PRKD3: variants seen among roughly 807,000 people sequenced by gnomAD.
The protein encoded by PRKD3 is serine/threonine-protein kinase D3.
Under a neutral mutation model 99.2 loss-of-function variants are expected in PRKD3, and 47 were observed. The ratio of observed to expected loss-of-function variants is 0.47; its 90% CI spans 0.38 to 0.60. PRKD3 has a LOEUF of 0.60. PRKD3 is among the 20% of genes least tolerant of loss of function. The pLI is 0.00. For missense variants in PRKD3, 1,019 were observed against 1,088.4 expected (o/e 0.94, Z 0.90); for synonymous variants, 392 against 355.4 (o/e 1.10, Z -1.16).
chr2:37,291,688 TGTAGCAGG>T (rs1670433403), intron 3 of PRKD3, among the ~76,000 whole-genome samples: 1 of 152,054 alleles, frequency 6.6e-6, no homozygotes, highest in African/African-American at 2.4e-5. Flanking sequence ...GAATGATCAG[TGTAGCAGG>T]GAGTGAGATG....
rs1671675078 is a variant in PRKD3, at chr2:37,316,643, T to C, written c.-119A>G. 2 of 1,473,308 alleles carry C rather than the reference T, an allele frequency of 1.4e-6. No homozygotes were observed. Among genetic ancestry groups the C allele is most frequent in the Admixed American group, 2.6e-5 (1 of 38,706 alleles). The allele number at this position is 1,473,308 out of a possible 1,614,324, so 91.3% of individuals were successfully genotyped here. The stretch of plus-strand genomic sequence containing the variant: ...ACTTTTGGATTTAGTTGAAAACTTC[T>C]TTATTTCCTCTGTTAAGCCACTCAT... On this transcript the variant is annotated 5_prime_UTR_variant, in exon 2 of 19. Coordinates refer to ENST00000234179, the MANE Select transcript of PRKD3 (RefSeq NM_005813.6).
At chr2:37,299,066 T>C (rs138708930) in intron 2 of PRKD3, among the ~76,000 whole-genome samples, 22 of 152,340 alleles carry the variant, frequency 1.4e-4, no homozygotes, top group Non-Finnish European at 2.9e-4. Context: ...GTCTGTCATA[T>C]ATGGCCCTTA....
intron 2 of PRKD3, among the ~76,000 whole-genome samples, chr2:37,301,610 T>G (rs1236415829): frequency 6.6e-6 from 1 of 152,202 alleles, no homozygotes; most frequent in South Asian, 2.1e-4. Flanking sequence ...TTAATTACAT[T>G]TGTGACTCTG....
chr2:37,262,050 T>C (rs993757693), intron 14 of PRKD3, among the ~76,000 whole-genome samples: 2 of 152,210 alleles, frequency 1.3e-5, no homozygotes, highest in African/African-American at 4.8e-5. Flanking sequence ...GGCTAAGTTG[T>C]GTTCAGGAGG....
At chr2:37,305,965 G>T (rs1403211278) in intron 2 of PRKD3, among the ~76,000 whole-genome samples, 2 of 152,098 alleles carry the variant, frequency 1.3e-5, no homozygotes, top group African/African-American at 4.8e-5. Flanking sequence ...CTTGAAAAGG[G>T]CCTATCATCA....
chr2:37,318,835 C>A (rs575898748), intron 1 of PRKD3, among the ~76,000 whole-genome samples: 1 of 152,082 alleles, frequency 6.6e-6, no homozygotes, highest in African/African-American at 2.4e-5. Flanking sequence ...TAATCATGGC[C>A]TGGAGATTTG....
intron 9 of PRKD3, among the ~76,000 whole-genome samples, chr2:37,277,588 C>T (rs1169322004): frequency 2.0e-5 from 3 of 152,266 alleles, no homozygotes; most frequent in Non-Finnish European, 4.4e-5. Context: ...TTTGTGGCTC[C>T]ACTGTGTTTC....
chr2:37,258,822 T>C (rs1668180171), intron 16 of PRKD3, among the ~76,000 whole-genome samples: 1 of 152,244 alleles, frequency 6.6e-6, no homozygotes, highest in Non-Finnish European at 1.5e-5. Context: ...CACCTATCTG[T>C]TGTCCTTAGT....
chr2:37,290,606 T>C (rs543004140), intron 4 of PRKD3, among the ~76,000 whole-genome samples: 7 of 152,326 alleles, frequency 4.6e-5, no homozygotes, highest in African/African-American at 1.4e-4. Context: ...TATTTAACCC[T>C]ATTACCTGAT....
chr2:37,256,485 A>G (rs915704706), intron 17 of PRKD3, among the ~76,000 whole-genome samples, 177 bp downstream of exon 17: 5 of 152,166 alleles, frequency 3.3e-5, no homozygotes, highest in Admixed American at 2.6e-4. Context: ...GACACAGATA[A>G]AAGTATAAAA....
At chr2:37,282,242 T>C (rs150461854) in intron 7 of PRKD3, 3 of 300,576 alleles carry the variant, frequency 1.0e-5, no homozygotes, top group South Asian at 6.1e-5. Context: ...TATGAAAGAA[T>C]AGAGACAAGA....
chr2:37,267,682 T>C (rs1188425363), intron 13 of PRKD3, 146 bp from the exon 14 acceptor site: 2 of 615,050 alleles, frequency 3.3e-6, no homozygotes, highest in Admixed American at 6.6e-5. Context: ...TTCACTCACC[T>C]TTAATTTAGG....
intron 2 of PRKD3, among the ~76,000 whole-genome samples, chr2:37,307,659 T>G (rs1671222185): frequency 6.6e-6 from 1 of 152,220 alleles, no homozygotes; most frequent in Non-Finnish European, 1.5e-5. Flanking sequence ...TCAATCAATG[T>G]ATCATAAATG....
chr2:37,296,722 C>G (rs967711077), intron 2 of PRKD3, among the ~76,000 whole-genome samples: 2 of 151,492 alleles, frequency 1.3e-5, no homozygotes, highest in South Asian at 4.2e-4. Context: ...ACGGTGAAAC[C>G]CCATCTCTAC....
intron 2 of PRKD3, among the ~76,000 whole-genome samples, chr2:37,304,899 G>A (rs1388287741): frequency 6.6e-6 from 1 of 151,384 alleles, no homozygotes; most frequent in African/African-American, 2.4e-5. Flanking sequence ...CAAACTTTCC[G>A]AATTAAAGAT....
chr2:37,295,903 G>A (rs779600914), intron 2 of PRKD3, among the ~76,000 whole-genome samples: 22 of 152,328 alleles, frequency 1.4e-4, no homozygotes, highest in Non-Finnish European at 1.9e-4. Context: ...AGATGCTGAA[G>A]AAAGGGTGAC....
intron 13 of PRKD3, 128 bp from the exon 14 acceptor site, chr2:37,267,664 C>A (rs1668939382): frequency 1.5e-6 from 1 of 678,154 alleles, no homozygotes; most frequent in Non-Finnish European, 2.5e-6. Context: ...GTTCTTTCTC[C>A]ACACTCCTTC....
At chr2:37,266,140 T>G (rs749272841) in intron 14 of PRKD3, among the ~76,000 whole-genome samples, 1 of 152,178 alleles carries the variant, frequency 6.6e-6, no homozygotes, top group Non-Finnish European at 1.5e-5. Flanking sequence ...AGGTACCTAC[T>G]TGACCACAAG....
At chr2:37,283,481 C>G (rs1669948350) in intron 6 of PRKD3, among the ~76,000 whole-genome samples, 1 of 152,194 alleles carries the variant, frequency 6.6e-6, no homozygotes, top group South Asian at 2.1e-4. Flanking sequence ...GCCAACAGCA[C>G]AGGCTAAAGA....
Sources: gnomAD v4.1 joint callset for allele counts (sites outside exome capture counted in the v4.1 genomes callset) on GRCh38, gnomAD v4.1.1 for gene constraint, MANE v1.5 for transcripts, NCBI Gene and HGNC (gene_info 2026-07-23, HGNC 2026-07-21) for gene names.